Variants in USP3 observed in about 807,000 individuals in gnomAD.
USP3 encodes ubiquitin specific peptidase 3.
USP3 carries 20 observed loss-of-function variants against 72.3 expected under a neutral mutation model. The ratio of observed to expected loss-of-function variants is 0.28; its 90% CI spans 0.19 to 0.40. The LOEUF (loss-of-function observed/expected upper bound fraction) is 0.40, where lower values mean the gene tolerates loss of function less well. Ranked by LOEUF, USP3 falls within the 10% of genes least tolerant of loss-of-function variation. The probability of loss-of-function intolerance (pLI) is 1.00; values close to 1 mark genes in which losing one functional copy is unlikely to be tolerated. For synonymous variants in USP3, 222 were observed against 225.3 expected, an observed-to-expected ratio of 0.99 and a Z score of 0.13; for missense variants, 479 against 633.9, an observed-to-expected ratio of 0.76 and a Z score of 2.62.
rs149827659 is a variant in USP3 at position 63,512,724 on chromosome 15, T to G, written c.91+7894T>G. On this transcript the variant is annotated intron_variant, in intron 1 of 14. Coordinates refer to ENST00000380324, the MANE Select transcript of USP3 (RefSeq NM_006537.4). ...TCCCAAAATACTGGGATTACAGGTG[T>G]GAGCCACTGCACCAGGCCTCCCCCT... 7.0e-3 allele frequency among the ~76,000 whole-genome samples: 1,073 copies of G among 152,326 alleles called. 5 individuals are homozygous for G. Among genetic ancestry groups the G allele is most frequent in the Middle Eastern group, 0.02 (6 of 294 alleles).
chr15:63,575,425 G>A (rs2066847655), intron 11 of USP3, among the ~76,000 whole-genome samples: 1 of 152,138 alleles, frequency 6.6e-6, no homozygotes, highest in Non-Finnish European at 1.5e-5. Context: ...TCTATGTAAT[G>A]TGAGGCATTT....
chr15:63,541,814 G>A lies in USP3; in HGVS notation c.284+4658G>A, dbSNP rs188729918. ...ATAAAACCAGATGTCAAATTTGCCC[G>A]TAAATATCAAAATGTCTTAGAAGTG... On this transcript the variant is annotated intron_variant, in intron 3 of 14. Coordinates refer to ENST00000380324, the MANE Select transcript of USP3 (RefSeq NM_006537.4). Among the ~76,000 whole-genome samples the A allele has an allele frequency of 3.2e-4, 48 of 152,134 alleles. No homozygotes were observed. The East Asian group carries it at 9.1e-3, about 29-fold the overall frequency.
chr15:63,542,288 TTTTTA>T, intron 3 of USP3: 1 of 754,916 alleles, frequency 1.3e-6, no homozygotes. Context: ...AATTAAGTGT[TTTTTA>T]TTTTAATTAA....
At chr15:63,561,400 A>G (rs2066605875) in intron 7 of USP3, among the ~76,000 whole-genome samples, 1 of 152,164 alleles carries the variant, frequency 6.6e-6, no homozygotes, top group African/African-American at 2.4e-5. Flanking sequence ...AGTCCGAGGC[A>G]GCAGCACCGC....
intron 8 of USP3, among the ~76,000 whole-genome samples, chr15:63,563,980 A>G (rs1456913378): frequency 6.6e-6 from 1 of 152,210 alleles, no homozygotes; most frequent in Non-Finnish European, 1.5e-5. Context: ...TTTATGTATC[A>G]TACTATTTAA....
intron 8 of USP3, among the ~76,000 whole-genome samples, chr15:63,566,697 A>G (rs987539091): frequency 5.3e-5 from 8 of 152,242 alleles, no homozygotes; most frequent in Middle Eastern, 3.4e-3. Flanking sequence ...TATGCTATTG[A>G]TATTTGATAT....
intron 5 of USP3, 33 bp from the exon 6 acceptor site, chr15:63,558,073 A>G: frequency 1.2e-6 from 2 of 1,612,378 alleles, no homozygotes; most frequent in East Asian, 2.2e-5. Context: ...TTCCCTTGGC[A>G]TTACTGATGG....
chr15:63,589,184 C>A, intron 14 of USP3, 173 bp downstream of exon 14: 1 of 648,134 alleles, frequency 1.5e-6, no homozygotes, highest in Non-Finnish European at 2.6e-6. Flanking sequence ...GTTGTGAAGG[C>A]TTAAGGGAAG....
Position 63,570,660 on chromosome 15 carries a change from G to T in USP3, c.908+81G>T. ...TTAATTATGTGTTAGATTTATAACG[G>T]AAGGTAGAGGGGTTTCTTGGACATT... On this transcript the variant is annotated intron_variant, in intron 9 of 14. Transcript: ENST00000380324. The surrounding 1 kb of genome is among the most constrained non-coding windows in gnomAD (Gnocchi z 4.4). 1 of 1,527,286 alleles carries T rather than the reference G, an allele frequency of 6.5e-7. No homozygotes were observed. The highest frequency in any genetic ancestry group is 2.3e-5 in the East Asian group (1 of 43,996). 94.6% of individuals were successfully genotyped at this position (1,527,286 alleles called of 1,614,324 possible).
At chr15:63,590,116 A>G (rs759218938) in intron 14 of USP3, among the ~76,000 whole-genome samples, 5 of 152,160 alleles carry the variant, frequency 3.3e-5, no homozygotes, top group Non-Finnish European at 7.3e-5. Flanking sequence ...TGTTTTTAAA[A>G]TTTGGTTTTG....
At chr15:63,533,895 G>A in intron 2 of USP3, 1 of 1,184,146 alleles carries the variant, frequency 8.4e-7, no homozygotes, top group South Asian at 1.6e-5. Flanking sequence ...TGAAGAGACA[G>A]ATTCCTCTCC....
chr15:63,556,469 G>T, intron 4 of USP3, 198 bp from the exon 5 acceptor site: 1 of 441,270 alleles, frequency 2.3e-6, no homozygotes, highest in Non-Finnish European at 4.1e-6. Context: ...CACCTCTGCT[G>T]GAGGAGCAAT....
At chr15:63,542,573 T>G (rs1595729983) in intron 3 of USP3, among the ~76,000 whole-genome samples, 1 of 152,210 alleles carries the variant, frequency 6.6e-6, no homozygotes, top group African/African-American at 2.4e-5. Flanking sequence ...CTGAGTTCTA[T>G]GAACATATTC....
intron 1 of USP3, among the ~76,000 whole-genome samples, chr15:63,506,263 A>T (rs1226369093): frequency 1.3e-5 from 2 of 152,180 alleles, no homozygotes; most frequent in African/African-American, 4.8e-5. Context: ...AATAAGGTGT[A>T]TGGCACTGCT....
intron 3 of USP3, among the ~76,000 whole-genome samples, chr15:63,539,892 G>A (rs1040237173): frequency 1.3e-5 from 2 of 152,210 alleles, no homozygotes; most frequent in Admixed American, 6.5e-5. Flanking sequence ...CGAAGATGCA[G>A]TTTAAATTAA....
At chr15:63,525,386 G>T (rs540025929) in intron 1 of USP3, among the ~76,000 whole-genome samples, 20 of 152,220 alleles carry the variant, frequency 1.3e-4, no homozygotes, top group Admixed American at 1.3e-3. Context: ...CCCTTTATGA[G>T]AACTCTCCTG....
chr15:63,561,721 A>C (rs1465968762), intron 7 of USP3, among the ~76,000 whole-genome samples: 2 of 152,320 alleles, frequency 1.3e-5, no homozygotes, highest in Non-Finnish European at 1.5e-5. Flanking sequence ...AGTGGGAGGC[A>C]AACTCTTAAA....
chr15:63,565,581 TAC>T (rs1297568003), intron 8 of USP3, among the ~76,000 whole-genome samples: 1 of 151,984 alleles, frequency 6.6e-6, no homozygotes, highest in Non-Finnish European at 1.5e-5. Context: ...CAACCATAGT[TAC>T]TAGAGTTTTG....
chr15:63,561,868 C>T (rs1595750668), intron 7 of USP3, among the ~76,000 whole-genome samples: 2 of 152,094 alleles, frequency 1.3e-5, no homozygotes, highest in Admixed American at 6.5e-5. Context: ...ATCAAGTATC[C>T]GAAAATATGG....
Sources: allele counts gnomAD v4.1 joint callset (sites outside exome capture counted in the v4.1 genomes callset), GRCh38; gene constraint gnomAD v4.1.1; non-coding constraint Gnocchi (gnomAD v3.1); transcripts MANE v1.5; gene names NCBI Gene and HGNC (gene_info 2026-07-23, HGNC 2026-07-21).